Variants in ABCC1 observed in about 807,000 individuals in gnomAD.
ABCC1 encodes ATP binding cassette subfamily C member 1 (ABCC1 blood group), also known as multidrug resistance-associated protein 1.
A neutral mutation model predicts 172.9 loss-of-function variants in ABCC1; 83 were observed. The ratio of observed to expected loss-of-function variants is 0.48; its 90% CI spans 0.40 to 0.58. ABCC1 has a LOEUF of 0.58. Among genes scored for constraint, ABCC1 ranks in the 20% least tolerant of loss-of-function variants. ABCC1 has a pLI of 0.00. For missense variants in ABCC1, 1,817 were observed against 2,002.7 expected, an observed-to-expected ratio of 0.91 and a Z score of 1.77; for synonymous variants, 937 against 825.2, an observed-to-expected ratio of 1.14 and a Z score of -2.32.
intron 17 of ABCC1, among the ~76,000 whole-genome samples, chr16:16,084,510 C>G (rs896309406): frequency 2.7e-5 from 4 of 148,324 alleles, no homozygotes; most frequent in Non-Finnish European, 4.4e-5. Context: ...ACTACAGGCC[C>G]CTGCCACCAC....
At chr16:16,063,081 A>G (rs977250294) in intron 12 of ABCC1, among the ~76,000 whole-genome samples, 4 of 152,080 alleles carry the variant, frequency 2.6e-5, no homozygotes, top group South Asian at 2.1e-4. Context: ...TGCCACGACC[A>G]TGTCATTTTA....
intron 1 of ABCC1, among the ~76,000 whole-genome samples, chr16:15,975,843 G>C (rs45563736): frequency 1.3e-3 from 195 of 152,014 alleles, no homozygotes; most frequent in African/African-American, 4.6e-3. Flanking sequence ...GGCGTGAGCC[G>C]CCACACCTGG....
intron 1 of ABCC1, among the ~76,000 whole-genome samples, chr16:16,006,002 A>T (rs534007065): frequency 1.3e-5 from 2 of 151,806 alleles, no homozygotes; most frequent in South Asian, 2.1e-4. Context: ...AAGAAAAAAA[A>T]AAATAAAAAT....
intron 1 of ABCC1, among the ~76,000 whole-genome samples, chr16:15,974,698 C>T (rs187772118): frequency 2.6e-5 from 4 of 152,008 alleles, no homozygotes; most frequent in African/African-American, 4.8e-5. Flanking sequence ...ATGGGCTAAT[C>T]GAGAGACACA....
At position 16,137,953 on chromosome 16, in the gene ABCC1, C is replaced by G. The variant is rs557822261; in HGVS notation, c.4293-411C>G. On this transcript the variant is annotated intron_variant, in intron 29 of 30. Transcript: ENST00000399410. ...GATCTCGGACTCTAACTCCTGGACT[C>G]AAGCAATCCTGCCTCAGCCTCCCAG... Among the ~76,000 whole-genome samples, 6 of 152,022 alleles carry G rather than the reference C, an allele frequency of 3.9e-5. No homozygotes were observed. The East Asian group carries it at 1.2e-3, about 30-fold the overall frequency.
chr16:15,982,216 G>A (rs1256673429), intron 1 of ABCC1, among the ~76,000 whole-genome samples: 1 of 151,990 alleles, frequency 6.6e-6, no homozygotes, highest in Non-Finnish European at 1.5e-5. Flanking sequence ...CACATTTTTG[G>A]GTATCTTTAC....
intron 1 of ABCC1, among the ~76,000 whole-genome samples, chr16:15,951,363 C>CA (rs1437308620): frequency 6.6e-6 from 1 of 152,018 alleles, no homozygotes; most frequent in Non-Finnish European, 1.5e-5. Flanking sequence ...TTAAGAAACT[C>CA]ATTCACGAAG....
chr16:16,040,038 G>A lies in ABCC1; in HGVS notation c.809+3435G>A, dbSNP rs539768087. 4.6e-5 allele frequency among the ~76,000 whole-genome samples: 7 copies of A among 151,540 alleles called. No individual in the cohort carries two copies. In the South Asian group the frequency reaches 6.3e-4, roughly 14 times the overall value. On this transcript the variant is annotated intron_variant, in intron 7 of 30. Transcript: ENST00000399410. Reference sequence around the variant, plus strand: ...GTTTTCTGCAGGGCAGTGGTGTGACGTGAGTTCTGTTGTTTGTTTGTTTGT... The same window carrying A: ...GTTTTCTGCAGGGCAGTGGTGTGACATGAGTTCTGTTGTTTGTTTGTTTGT...
rs142760059 is a variant in ABCC1, at chr16:16,037,875, G to A, written c.809+1272G>A. 7.0e-4 allele frequency among the ~76,000 whole-genome samples: 106 copies of A among 152,316 alleles called. 1 individual carries two copies. The East Asian group carries it at 0.011, about 16-fold the overall frequency. ...GTGACTCCGGTCGGAGGCTGTTTGG[G>A]TGGTCCAGGTGATGGGAGAAATTGT... On this transcript the variant is annotated intron_variant, in intron 7 of 30. Transcript: ENST00000399410.
At chr16:16,038,217 G>C (rs961787370) in intron 7 of ABCC1, among the ~76,000 whole-genome samples, 4 of 152,098 alleles carry the variant, frequency 2.6e-5, no homozygotes, top group Admixed American at 2.6e-4. Flanking sequence ...GATGAGAGGG[G>C]ATCTACTAGG....
intron 28 of ABCC1, among the ~76,000 whole-genome samples, chr16:16,135,396 C>T (rs2045881416): frequency 6.6e-6 from 1 of 152,172 alleles, no homozygotes; most frequent in African/African-American, 2.4e-5. Flanking sequence ...GTTTAGCTCC[C>T]TCTTACAAGT....
At chr16:16,073,129 C>G (rs1320235330) in intron 14 of ABCC1, among the ~76,000 whole-genome samples, 1 of 152,090 alleles carries the variant, frequency 6.6e-6, no homozygotes, top group African/African-American at 2.4e-5. Flanking sequence ...CATGCACATG[C>G]CATTCCAAGG....
intron 16 of ABCC1, among the ~76,000 whole-genome samples, chr16:16,082,220 C>T (rs867291699): frequency 3.3e-5 from 5 of 152,190 alleles, no homozygotes; most frequent in African/African-American, 4.8e-5. Flanking sequence ...GCTGTTCCCT[C>T]GGACTTGAAT....
chr16:16,045,917 C>T lies in ABCC1; in HGVS notation c.1122C>T (p.Ala374=), dbSNP rs759944506. ...ACACCGTGCTGCTGTTTGTCACTGCCTGCCTGCAGACCCTCGTGCTGCACC... is the reference window on the plus strand; with the variant it reads ...ACACCGTGCTGCTGTTTGTCACTGCTTGCCTGCAGACCCTCGTGCTGCACC... ...YFYTVLLFVT[A]CLQTLVLHQY... Residue 374 remains alanine (A), a synonymous_variant, in exon 9 of 31, where the codon GCC becomes GCT. Coordinates refer to ENST00000399410, the MANE Select transcript of ABCC1 (RefSeq NM_004996.4). 1.2e-6 allele frequency: 2 copies of T among 1,614,200 alleles called. No homozygotes were observed. Among genetic ancestry groups the T allele is most frequent in the South Asian group, 2.2e-5 (2 of 91,076 alleles).
chr16:16,125,972 C>A (rs2152121097), intron 26 of ABCC1, 61 bp downstream of exon 26: 1 of 1,300,820 alleles, frequency 7.7e-7, no homozygotes. Context: ...CCAAGGAGAT[C>A]TCTGGACCCT....
chr16:16,102,608 T>C lies in ABCC1; in HGVS notation c.2645-19T>C. ...GCCTCATATAACCCCACTTGCCCCC[T>C]TTGTCTCTCTTCTGCCAGGGGTCAC... On this transcript the variant is annotated intron_variant, in intron 19 of 30. Transcript: ENST00000399410. 6.4e-7 allele frequency: 1 copy of C among 1,562,570 alleles called. No individual in the cohort carries two copies. The highest frequency in any genetic ancestry group is 8.7e-7 in the Non-Finnish European group (1 of 1,152,814).
At chr16:15,958,635 T>G (rs961938102) in intron 1 of ABCC1, among the ~76,000 whole-genome samples, 1 of 152,200 alleles carries the variant, frequency 6.6e-6, no homozygotes, top group African/African-American at 2.4e-5. Flanking sequence ...TCGTGAAAAC[T>G]TGCCCAAACA....
chr16:16,059,068 G>GCTT (rs1297621272), intron 12 of ABCC1, among the ~76,000 whole-genome samples: 1 of 151,806 alleles, frequency 6.6e-6, no homozygotes, highest in East Asian at 1.9e-4. Flanking sequence ...AGGTGCTGCT[G>GCTT]CTTCTGGTTC....
At chr16:15,999,978 C>T (rs1356952226) in intron 1 of ABCC1, among the ~76,000 whole-genome samples, 3 of 149,722 alleles carry the variant, frequency 2.0e-5, no homozygotes, top group African/African-American at 7.3e-5. Flanking sequence ...CCTCAGCCTC[C>T]CGAGTAGCTG....
Sources: allele counts gnomAD v4.1 joint callset (sites outside exome capture counted in the v4.1 genomes callset), GRCh38; gene constraint gnomAD v4.1.1; transcripts MANE v1.5; gene names NCBI Gene and HGNC (gene_info 2026-07-23, HGNC 2026-07-21).